The following TRDN variants were observed in gnomAD, a reference collection of about 807,000 sequenced individuals.
TRDN encodes triadin in skeletal muscle.
In TRDN, 161 loss-of-function variants were observed where a neutral mutation model predicts 149.7. The ratio of observed to expected loss-of-function variants is 1.08; its 90% confidence interval spans 0.95 to 1.23. TRDN has a LOEUF of 1.23. TRDN is among the 50% of genes most tolerant of loss of function. The pLI is 0.00. For synonymous variants in TRDN, 294 were observed against 250.5 expected (o/e 1.17, Z -1.64); for missense variants, 896 against 823.5 (o/e 1.09, Z -1.08).
intron 1 of TRDN, among the ~76,000 whole-genome samples, chr6:123,590,982 TG>T (rs1260513513): frequency 2.0e-5 from 3 of 152,130 alleles, no homozygotes; most frequent in African/African-American, 7.2e-5. Context: ...CCAAGCGCTT[TG>T]ATATAAAAAA....
Position 123,314,051 on chromosome 6 carries a change from G to A in TRDN, c.1510+2406C>T, listed in dbSNP as rs368615867. 1.1e-4 allele frequency among the ~76,000 whole-genome samples: 16 copies of A among 152,130 alleles called. No individual in the cohort carries two copies. The East Asian group carries it at 2.7e-3, about 26-fold the overall frequency. On this transcript the variant is annotated intron_variant, in intron 24 of 40. Coordinates refer to ENST00000334268, the MANE Select transcript of TRDN (RefSeq NM_006073.4). ...CATAGCAAAAGAAACTATCAACAGA[G>A]TAAACAGACAACCTACAGAATGGAA... is the stretch of plus-strand genomic sequence containing the variant.
At chr6:123,597,100 A>G (rs900532481) in intron 1 of TRDN, among the ~76,000 whole-genome samples, 5 of 152,148 alleles carry the variant, frequency 3.3e-5, no homozygotes, top group African/African-American at 1.2e-4. Context: ...ACCATTCTAT[A>G]TGCCATCAAA....
chr6:123,381,622 T>C (rs1423271119), intron 15 of TRDN, among the ~76,000 whole-genome samples: 1 of 152,066 alleles, frequency 6.6e-6, no homozygotes, highest in Non-Finnish European at 1.5e-5. Context: ...CCCAGGATTA[T>C]ACTGTTTAAC....
At chr6:123,631,174 G>C (rs1174558892) in intron 1 of TRDN, among the ~76,000 whole-genome samples, 1 of 150,132 alleles carries the variant, frequency 6.7e-6, no homozygotes, top group African/African-American at 2.5e-5. Context: ...ATAACAAGAA[G>C]TTTCAGAGTC....
At chr6:123,226,314 A>G (rs896643551) in intron 38 of TRDN, among the ~76,000 whole-genome samples, 1 of 151,894 alleles carries the variant, frequency 6.6e-6, no homozygotes, top group Admixed American at 6.6e-5. Context: ...ATCAAATAAT[A>G]TCTTAATTGT....
At chr6:123,259,041 A>G (rs1297845357) in intron 35 of TRDN, among the ~76,000 whole-genome samples, 1 of 151,734 alleles carries the variant, frequency 6.6e-6, no homozygotes, top group Admixed American at 6.6e-5. Context: ...CTTCTTTATT[A>G]GTCTGACTAA....
intron 21 of TRDN, among the ~76,000 whole-genome samples, chr6:123,342,554 A>G (rs1421753658): frequency 6.6e-6 from 1 of 151,934 alleles, no homozygotes; most frequent in Non-Finnish European, 1.5e-5. Flanking sequence ...ATTTTTTAAC[A>G]TAAGATCGCT....
At chr6:123,249,994 T>C (rs1229996286) in intron 38 of TRDN, among the ~76,000 whole-genome samples, 3 of 152,106 alleles carry the variant, frequency 2.0e-5, no homozygotes, top group South Asian at 2.1e-4. Context: ...TAAATAAATT[T>C]AGTAAAGTTG....
intron 38 of TRDN, among the ~76,000 whole-genome samples, chr6:123,235,512 A>C (rs1009156175): frequency 9.9e-5 from 15 of 152,210 alleles, no homozygotes; most frequent in Admixed American, 9.2e-4. Context: ...AGGAAATCTC[A>C]AAAAGCTATC....
At chr6:123,328,125 G>C (rs987171307) in intron 23 of TRDN, among the ~76,000 whole-genome samples, 18 of 152,202 alleles carry the variant, frequency 1.2e-4, no homozygotes, top group Non-Finnish European at 2.2e-4. Context: ...TGTAATGGCA[G>C]AAAATCCTGA....
chr6:123,252,607 T>A (rs1391135398), intron 37 of TRDN, among the ~76,000 whole-genome samples, 172 bp from the exon 38 acceptor site: 1 of 152,100 alleles, frequency 6.6e-6, no homozygotes, highest in Non-Finnish European at 1.5e-5. Context: ...TGTTTTGTTA[T>A]AATTTTTAAT....
intron 1 of TRDN, among the ~76,000 whole-genome samples, chr6:123,598,638 A>T (rs76900878): frequency 0.011 from 1,607 of 152,162 alleles, 30 homozygotes; most frequent in African/African-American, 0.036. Flanking sequence ...AGTTTATTGG[A>T]ACATAGCCAC....
chr6:123,529,247 G>T, intron 5 of TRDN: 1 of 1,548,886 alleles, frequency 6.5e-7, no homozygotes, highest in Non-Finnish European at 8.7e-7. Context: ...AGCCAGTTCA[G>T]TCATGGTTCG....
intron 11 of TRDN, among the ~76,000 whole-genome samples, chr6:123,438,323 AAC>A (rs1774688252): frequency 7.6e-6 from 1 of 131,566 alleles, no homozygotes; most frequent in African/African-American, 3.1e-5. Flanking sequence ...CAGGAAACAG[AAC>A]TTTTTTTTTT....
chr6:123,427,789 A>G (rs1269066718), intron 12 of TRDN, among the ~76,000 whole-genome samples: 6 of 151,870 alleles, frequency 4.0e-5, no homozygotes, highest in African/African-American at 1.4e-4. Flanking sequence ...TATCTTTATT[A>G]AAATTAAAGA....
intron 29 of TRDN, among the ~76,000 whole-genome samples, chr6:123,271,774 G>C (rs1008496166): frequency 1.3e-5 from 2 of 152,008 alleles, no homozygotes; most frequent in African/African-American, 4.8e-5. Context: ...CACTGGGTAT[G>C]AATCAACTGA....
chr6:123,454,734 G>C (rs76804229), intron 10 of TRDN, among the ~76,000 whole-genome samples: 1 of 152,172 alleles, frequency 6.6e-6, no homozygotes, highest in South Asian at 2.1e-4. Context: ...ATTCTCATAG[G>C]AGAGCAAACC....
At chr6:123,363,598 T>C (rs9401664) in intron 20 of TRDN, among the ~76,000 whole-genome samples, 128,303 of 151,738 alleles carry the variant, frequency 0.85, 55,099 homozygotes, top group South Asian at 0.94. Context: ...TGCGAATAGA[T>C]AGATAATTTA....
In TRDN at chr6:123,587,224, C is replaced by T. The variant is rs188486394; in HGVS notation, c.23-16092G>A. ...TGGTCTGACACCTCTGAAACCTGGA[C>T]GAATAATCAGAGAGGTGTCCCTCCA... On this transcript the variant is annotated intron_variant, in intron 1 of 40. Transcript: ENST00000334268. Among the ~76,000 whole-genome samples the T allele has an allele frequency of 3.3e-3, 505 of 152,216 alleles. 1 individual carries two copies. Among genetic ancestry groups the T allele is most frequent in the Admixed American group, 5.0e-3 (76 of 15,292 alleles).
Sources: allele counts gnomAD v4.1 joint callset (sites outside exome capture counted in the v4.1 genomes callset), GRCh38; gene constraint gnomAD v4.1.1; transcripts MANE v1.5; gene names NCBI Gene and HGNC (gene_info 2026-07-23, HGNC 2026-07-21).